The following KDM4B variants were observed in gnomAD, a reference collection of about 807,000 sequenced individuals.
KDM4B encodes the protein lysine-specific demethylase 4B.
In KDM4B, 32 loss-of-function variants were observed where a neutral mutation model predicts 125.2. The observed-to-expected ratio is 0.26, with a 90% CI of 0.19 to 0.34. KDM4B has a LOEUF of 0.34. Among genes scored for constraint, KDM4B ranks in the 10% least tolerant of loss-of-function variants. KDM4B has a pLI of 1.00. For synonymous variants in KDM4B, 721 were observed against 677.9 expected (o/e 1.06, Z -0.99); for missense variants, 1,190 against 1,577.7 (o/e 0.75, Z 4.16).
At chr19:5,103,197 T>C (rs1012262373) in intron 9 of KDM4B, among the ~76,000 whole-genome samples, 1 of 152,172 alleles carries the variant, frequency 6.6e-6, no homozygotes, top group Non-Finnish European at 1.5e-5. Context: ...TCCTCAGCTC[T>C]CTGACCCCTT....
chr19:5,096,863 A>G (rs147252395), intron 9 of KDM4B, among the ~76,000 whole-genome samples: 2 of 151,846 alleles, frequency 1.3e-5, no homozygotes, highest in Non-Finnish European at 2.9e-5. Flanking sequence ...TGGTGGAGGA[A>G]GTGTCCCTCC....
chr19:4,989,929 A>G (rs945303355), intron 1 of KDM4B, among the ~76,000 whole-genome samples: 11 of 152,186 alleles, frequency 7.2e-5, no homozygotes, highest in African/African-American at 2.7e-4. Context: ...CTGGGATTAT[A>G]GGCGTGAGCC....
At chr19:5,029,781 C>G (rs565763438) in intron 2 of KDM4B, among the ~76,000 whole-genome samples, 2 of 152,214 alleles carry the variant, frequency 1.3e-5, no homozygotes, top group Admixed American at 6.5e-5. Flanking sequence ...GAACCGTGAC[C>G]GTGCCACTGC....
rs757778740 is a variant in KDM4B at position 5,131,934 on chromosome 19, G to A, written c.1833G>A (p.Arg611=). The change falls in exon 13 of 23, where the codon CGG becomes CGA. Residue 611 remains arginine, a synonymous_variant. Transcript: ENST00000159111. The part of the protein sequence containing the change: ...SKLKMEIKKS[R]RHPLGRPPTR... The stretch of plus-strand genomic sequence containing the variant: ...TGAAGATGGAGATCAAGAAGAGCCG[G>A]CGCCATCCCCTGGGCCGGCCGCCCA... 2 of 1,612,650 alleles carry A rather than the reference G, an allele frequency of 1.2e-6. No homozygotes were observed. Among genetic ancestry groups the A allele is most frequent in the Non-Finnish European group, 1.7e-6 (2 of 1,179,822 alleles).
Position 5,151,775 on chromosome 19 carries a change from C to T in KDM4B, c.*264C>T. The T allele has an allele frequency of 2.7e-6, 1 of 370,630 alleles. No individual in the cohort carries two copies. Among genetic ancestry groups the T allele is most frequent in the Non-Finnish European group, 4.8e-6 (1 of 208,390 alleles). 23.0% of individuals were successfully genotyped at this position (370,630 alleles called of 1,614,324 possible). A position where few individuals can be genotyped will look rare whatever the true frequency, so the allele number is the denominator to read the frequency against. ...AATTTTAAACCATGTAAGCTCTCTT[C>T]TTCTCGAAAAGGTGCTACTGCAATG... On this transcript the variant is annotated 3_prime_UTR_variant, in exon 23 of 23. Transcript: ENST00000159111.
In KDM4B at chr19:5,035,272, C is replaced by G. The variant is rs555044456; in HGVS notation, c.141+2241C>G. Among the ~76,000 whole-genome samples the G allele has an allele frequency of 2.6e-5, 4 of 152,292 alleles. No individual in the cohort carries two copies. The highest frequency in any genetic ancestry group is 3.9e-4 in the East Asian group (2 of 5,174). ...ACCGCATCTGCCTCTGTCTCCTGCCCTTGACCTACTTCCACATTTCCCAGG... is the reference window on the plus strand; with the variant it reads ...ACCGCATCTGCCTCTGTCTCCTGCCGTTGACCTACTTCCACATTTCCCAGG... On this transcript the variant is annotated intron_variant, in intron 3 of 22. Coordinates refer to ENST00000159111, the MANE Select transcript of KDM4B (RefSeq NM_015015.3). This position sits in a 1 kb window ranked among gnomAD's most constrained non-coding sequence, Gnocchi z 5.3.
At chr19:5,030,029 T>A (rs73542570) in intron 2 of KDM4B, among the ~76,000 whole-genome samples, 5,002 of 152,312 alleles carry the variant, frequency 0.033, 239 homozygotes, top group African/African-American at 0.096. Flanking sequence ...CAGGGTGTGC[T>A]GCTGGCAGCT....
At chr19:5,030,328 C>T (rs2036411866) in intron 2 of KDM4B, among the ~76,000 whole-genome samples, 1 of 152,212 alleles carries the variant, frequency 6.6e-6, no homozygotes, top group Non-Finnish European at 1.5e-5. Flanking sequence ...CCAGCCCTGC[C>T]CCAGGCCCTG....
At chr19:5,008,134 T>C (rs1467594401) in intron 1 of KDM4B, among the ~76,000 whole-genome samples, 1 of 152,202 alleles carries the variant, frequency 6.6e-6, no homozygotes, top group Non-Finnish European at 1.5e-5. Context: ...AAAAAGAGTT[T>C]TGTAGTTTGG....
At chr19:5,052,437 G>A (rs867667740) in intron 6 of KDM4B, among the ~76,000 whole-genome samples, 5 of 152,238 alleles carry the variant, frequency 3.3e-5, no homozygotes, top group South Asian at 4.1e-4. Flanking sequence ...CCCTGTGGCC[G>A]CAGGTGGGTG....
chr19:5,137,741 C>T (rs1239243749), intron 17 of KDM4B, 65 bp downstream of exon 17: 19 of 1,428,478 alleles, frequency 1.3e-5, no homozygotes, highest in Non-Finnish European at 1.7e-5. Context: ...TGAGGCTCTG[C>T]AGGGTGTGAC....
intron 2 of KDM4B, among the ~76,000 whole-genome samples, chr19:5,027,812 A>G (rs1267381578): frequency 6.6e-6 from 1 of 152,088 alleles, no homozygotes; most frequent in African/African-American, 2.4e-5. Flanking sequence ...AAGTGCTGGG[A>G]TTACAGGCGT....
At chr19:5,011,310 G>A (rs2035720173) in intron 1 of KDM4B, among the ~76,000 whole-genome samples, 1 of 152,212 alleles carries the variant, frequency 6.6e-6, no homozygotes, top group African/African-American at 2.4e-5. Flanking sequence ...TTTCTCTGCT[G>A]ACAGGGCTTG....
intron 18 of KDM4B, 68 bp downstream of exon 18, chr19:5,138,138 A>C (rs1599260055): frequency 8.2e-7 from 1 of 1,223,900 alleles, no homozygotes. Context: ...TCGGCTCCCC[A>C]CCTGCGCGAT....
chr19:5,107,750 T>G (rs2039062871), intron 9 of KDM4B, among the ~76,000 whole-genome samples: 1 of 152,158 alleles, frequency 6.6e-6, no homozygotes, highest in Non-Finnish European at 1.5e-5. Context: ...TAAGGGGAGC[T>G]GGGTCTCCTC....
intron 1 of KDM4B, among the ~76,000 whole-genome samples, chr19:4,976,821 C>T (rs1287304433): frequency 1.3e-5 from 2 of 152,206 alleles, no homozygotes; most frequent in Non-Finnish European, 2.9e-5. Flanking sequence ...TTGTCTCACT[C>T]TTCTCCTGGC....
chr19:5,093,705 G>C (rs1396639340), intron 9 of KDM4B, among the ~76,000 whole-genome samples: 1 of 152,226 alleles, frequency 6.6e-6, no homozygotes, highest in Admixed American at 6.5e-5. Context: ...TGGTCGAGAT[G>C]GCTGTGAGAG....
intron 9 of KDM4B, among the ~76,000 whole-genome samples, chr19:5,100,742 C>G (rs1042443032): frequency 6.6e-6 from 1 of 152,146 alleles, no homozygotes; most frequent in African/African-American, 2.4e-5. Context: ...AATTTGTTTT[C>G]TGGAAGAGTT....
chr19:5,057,065 T>TGTGTGTGCGCGC (rs55806859), intron 6 of KDM4B, among the ~76,000 whole-genome samples: 162 of 128,392 alleles, frequency 1.3e-3, no homozygotes, highest in African/African-American at 4.8e-3. Context: ...TGTGTGTGTG[T>TGTGTGTGCGCGC]GCGCGCGCGC....
Sources: gnomAD v4.1 joint callset for allele counts (sites outside exome capture counted in the v4.1 genomes callset) on GRCh38, gnomAD v4.1.1 for gene constraint, Gnocchi (gnomAD v3.1) non-coding constraint, MANE v1.5 for transcripts, NCBI Gene and HGNC (gene_info 2026-07-23, HGNC 2026-07-21) for gene names.